The following ZNF749 variants were observed in gnomAD, a reference collection of about 807,000 sequenced individuals.
ZNF749 encodes the protein zinc finger protein 749.
ZNF749 carries 8 observed loss-of-function variants against 7.3 expected under a neutral mutation model. The ratio of observed to expected loss-of-function variants is 1.10; its 90% CI spans 0.64 to 1.98. The LOEUF (loss-of-function observed/expected upper bound fraction) is 1.98. ZNF749 is among the 30% of genes most tolerant of loss of function. The pLI is 0.00. For synonymous variants in ZNF749, 310 were observed against 322.4 expected, an observed-to-expected ratio of 0.96 and a Z score of 0.41; for missense variants, 898 against 932.4, an observed-to-expected ratio of 0.96 and a Z score of 0.48.
At chr19:57,434,554 A>C (rs1039788092), upstream of ZNF749, among the ~76,000 whole-genome samples, 1 of 151,448 alleles carries the variant, frequency 6.6e-6, no homozygotes, top group African/African-American at 2.4e-5. Context: ...TCCAATGTAC[A>C]TTTTACATGT....
At chr19:57,440,930 C>T (rs1328042007) in intron 1 of ZNF749, among the ~76,000 whole-genome samples, 3 of 151,602 alleles carry the variant, frequency 2.0e-5, no homozygotes, top group Admixed American at 6.6e-5. Context: ...GTTCGAGACC[C>T]GCCTGCCCAA....
chr19:57,441,876 T>C lies in ZNF749; in HGVS notation c.16-9T>C. 1 of 1,614,036 alleles carries C rather than the reference T, an allele frequency of 6.2e-7. No individual in the cohort carries two copies. The highest frequency in any genetic ancestry group is 8.5e-7 in the Non-Finnish European group (1 of 1,179,940). On this transcript the variant is annotated splice_polypyrimidine_tract_variant and intron_variant, in intron 1 of 2. Transcript: ENST00000334181. ...TTGTTCATAGACTGAAGTGTCATAA[T>C]TTTGGCAGGATTGTATGGTCTTTGA...
At position 57,443,973 on chromosome 19, in the gene ZNF749, T is replaced by C. The variant is rs1390143256; in HGVS notation, c.825T>C (p.Ser275=). Residue 275 remains serine (S), a synonymous_variant, in exon 3 of 3, where the codon AGT becomes AGC. Coordinates refer to ENST00000334181, the MANE Select transcript of ZNF749 (RefSeq NM_001023561.4). ...SNLVQHQKIH[S]EGFLSKRSDP... is the part of the protein sequence containing the mutation. ...TAGTTCAGCACCAGAAAATTCACAG[T>C]GAAGGCTTTCTTTCAAAAAGGTCTG... 2 of 1,613,734 alleles carry C rather than the reference T, an allele frequency of 1.2e-6. No individual in the cohort carries two copies. Among genetic ancestry groups the C allele is most frequent in the African/African-American group, 1.3e-5 (1 of 74,870 alleles).
At position 57,442,014 on chromosome 19, in the gene ZNF749, A is replaced by T. The variant is rs1461308116; in HGVS notation, c.142+3A>T. On this transcript the variant is annotated splice_donor_region_variant and intron_variant, in intron 2 of 2. Transcript: ENST00000334181. This position sits in a 1 kb window ranked among gnomAD's most constrained non-coding sequence, Gnocchi z 6.6. ...CTTTGCGCTTTTGTCATCAGTAGGT[A>T]AGGCCTTCATACCTACTCTGGTGTC... 6.2e-7 allele frequency: 1 copy of T among 1,613,786 alleles called. No homozygotes were observed. The highest frequency in any genetic ancestry group is 8.5e-7 in the Non-Finnish European group (1 of 1,179,886).
rs1040977850 is a variant in ZNF749, at chr19:57,439,198, C to T, written c.16-2687C>T. Among the ~76,000 whole-genome samples the T allele has an allele frequency of 6.6e-6, 1 of 151,956 alleles. No individual in the cohort carries two copies. The highest frequency in any genetic ancestry group is 2.4e-5 in the African/African-American group (1 of 41,348). ...ACCTGGGTGATGGGTCCAGCAACAG[C>T]CCAGGTGGAGGTTGTTGGTGACTGA... On this transcript the variant is annotated intron_variant, in intron 1 of 2. Coordinates refer to ENST00000334181, the MANE Select transcript of ZNF749 (RefSeq NM_001023561.4). This position sits in a 1 kb window ranked among gnomAD's most constrained non-coding sequence, Gnocchi z 4.3.
At position 57,445,612 on chromosome 19, in the gene ZNF749, G is replaced by C; in HGVS notation, c.*127G>C. The C allele has an allele frequency of 6.9e-7, 1 of 1,444,360 alleles. No homozygotes were observed. The highest frequency in any genetic ancestry group is 2.4e-5 in the East Asian group (1 of 42,414). The allele number at this position is 1,444,360 out of a possible 1,614,324, so 89.5% of individuals were successfully genotyped here. A position where few individuals can be genotyped will look rare whatever the true frequency, so the allele number is the denominator to read the frequency against. The stretch of plus-strand genomic sequence containing the variant: ...AAGAGTTCAGATGGAAATCTGCGAG[G>C]ATTTCCTGCTGGGAACTACATTAAA... On this transcript the variant is annotated 3_prime_UTR_variant, in exon 3 of 3. Coordinates refer to ENST00000334181, the MANE Select transcript of ZNF749 (RefSeq NM_001023561.4).
intron 2 of ZNF749, 132 bp from the exon 3 acceptor site, chr19:57,443,159 A>C: frequency 6.8e-6 from 5 of 740,632 alleles, no homozygotes; most frequent in Admixed American, 2.9e-5. Context: ...CCTTCCTCTC[A>C]CTGGCCTTAT....
chr19:57,443,422 A>G lies in ZNF749; in HGVS notation c.274A>G (p.Ile92Val), dbSNP rs745942628. Reference protein sequence around the residue: ...KAQPCKMCSSILKDILHLAEH... With the variant: ...KAQPCKMCSSVLKDILHLAEH... ...CCAGCCCTGCAAGATGTGTAGCTCA[A>G]TTCTGAAGGACATTCTGCACCTGGC... Residue 92 changes from isoleucine (I) to valine (V), a missense_variant, in exon 3 of 3, where the codon ATT becomes GTT. By Grantham distance (29) the Ile-to-Val change is conservative. Coordinates refer to ENST00000334181, the MANE Select transcript of ZNF749 (RefSeq NM_001023561.4). 53 of 1,614,122 alleles carry G rather than the reference A, an allele frequency of 3.3e-5. No individual in the cohort carries two copies. The South Asian group carries it at 5.3e-4, about 16-fold the overall frequency.
At chr19:57,438,347 C>A (rs1210104888) in intron 1 of ZNF749, 3 of 321,714 alleles carry the variant, frequency 9.3e-6, no homozygotes, top group Non-Finnish European at 5.6e-6. Flanking sequence ...TTACCTCCTC[C>A]TCCCTTTCAT....
Position 57,445,454 on chromosome 19 carries a change from A to G in ZNF749, c.2306A>G (p.His769Arg), listed in dbSNP as rs141814159. 1.1e-5 allele frequency: 17 copies of G among 1,611,918 alleles called. No homozygotes were observed. Among genetic ancestry groups the G allele is most frequent in the Admixed American group, 3.3e-5 (2 of 59,716 alleles). ...AAATACAACTCCAGCCTCATTAAAC[A>G]TCAGATAATTCATACTGGAAAAAGG... The part of the protein sequence containing the change: ...VFKYNSSLIK[H>R]QIIHTGKRP Residue 769 changes from histidine (H) to arginine (R), a missense_variant, in exon 3 of 3, where the codon CAT becomes CGT. Coordinates refer to ENST00000334181, the MANE Select transcript of ZNF749 (RefSeq NM_001023561.4).
chr19:57,444,670 G>C lies in ZNF749; in HGVS notation c.1522G>C (p.Glu508Gln). 2 of 1,613,622 alleles carry C rather than the reference G, an allele frequency of 1.2e-6. No homozygotes were observed. The highest frequency in any genetic ancestry group is 1.7e-6 in the Non-Finnish European group (2 of 1,179,936). ...TGGTCACCAGAAAATCCATACTGGA[G>C]AACGGCCTTATGAATGCACTCAATG... Reference protein sequence around the residue: ...LVGHQKIHTGERPYECTQCAK... With the variant: ...LVGHQKIHTGQRPYECTQCAK... Residue 508 changes from glutamate (E) to glutamine (Q), a missense_variant, in exon 3 of 3, where the codon GAA becomes CAA. Glu to Gln is a conservative substitution (Grantham distance 29). Coordinates refer to ENST00000334181, the MANE Select transcript of ZNF749 (RefSeq NM_001023561.4).
At position 57,436,134 on chromosome 19, in the gene ZNF749, G is replaced by A. The variant is rs545143431; in HGVS notation, c.15+541G>A. Among the ~76,000 whole-genome samples the A allele has an allele frequency of 2.0e-5, 3 of 152,320 alleles. No individual in the cohort carries two copies. Among genetic ancestry groups the A allele is most frequent in the Admixed American group, 6.5e-5 (1 of 15,300 alleles). ...CAAACATAGCTGTGAGGGAAAGTCG[G>A]TAGTGAATGGTGTCTTCCATAGGTT... On this transcript the variant is annotated intron_variant, in intron 1 of 2. Coordinates refer to ENST00000334181, the MANE Select transcript of ZNF749 (RefSeq NM_001023561.4). This position sits in a 1 kb window ranked among gnomAD's most constrained non-coding sequence, Gnocchi z 4.0.
rs761151186 is a variant in ZNF749, at chr19:57,444,824, G to A, written c.1676G>A (p.Ser559Asn). 1 of 1,614,086 alleles carries A rather than the reference G, an allele frequency of 6.2e-7. No individual in the cohort carries two copies. The highest frequency in any genetic ancestry group is 8.5e-7 in the Non-Finnish European group (1 of 1,179,966). Reference protein sequence around the residue: ...IDLRPRPYVCSECGKAFLTQA... With the variant: ...IDLRPRPYVCNECGKAFLTQA... Reference sequence around the variant, plus strand: ...CTCAGGCCAAGGCCTTATGTGTGTAGTGAATGTGGGAAGGCCTTCCTTACA... The same window carrying A: ...CTCAGGCCAAGGCCTTATGTGTGTAATGAATGTGGGAAGGCCTTCCTTACA... The change falls in exon 3 of 3, where the codon AGT becomes AAT. Residue 559 changes from serine (S) to asparagine (N), a missense_variant. Physicochemically the swap from Ser to Asn is conservative, Grantham distance 46. Coordinates refer to ENST00000334181, the MANE Select transcript of ZNF749 (RefSeq NM_001023561.4).
the ZNF749 span, among the ~76,000 whole-genome samples, chr19:57,429,297 A>G: frequency 6.6e-6 from 1 of 152,178 alleles, no homozygotes; most frequent in East Asian, 1.9e-4. This position sits in a 1 kb window ranked among gnomAD's most constrained non-coding sequence, Gnocchi z 4.2. Flanking sequence ...AAGTACTGGG[A>G]TTACAGGCGT....
In ZNF749 at chr19:57,442,155, C is replaced by G; in HGVS notation, c.142+144C>G. The G allele has an allele frequency of 9.0e-7, 1 of 1,105,872 alleles. No individual in the cohort carries two copies. Among genetic ancestry groups the G allele is most frequent in the South Asian group, 1.6e-5 (1 of 63,118 alleles). The allele number at this position is 1,105,872 out of a possible 1,614,324, so 68.5% of individuals were successfully genotyped here. ...TTTCCTGGCAAATGTGATAAGGCAGCCAGAGCTGGGCTGTGTATACTGTAC... is the reference window on the plus strand; with the variant it reads ...TTTCCTGGCAAATGTGATAAGGCAGGCAGAGCTGGGCTGTGTATACTGTAC... On this transcript the variant is annotated intron_variant, in intron 2 of 2. Transcript: ENST00000334181. The surrounding 1 kb of genome is among the most constrained non-coding windows in gnomAD (Gnocchi z 6.6).
chr19:57,444,420 TG>T lies in ZNF749; in HGVS notation c.1273del (p.Val425LeufsTer5). The T allele has an allele frequency of 6.2e-7, 1 of 1,614,018 alleles. No homozygotes were observed. Among genetic ancestry groups the T allele is most frequent in the Non-Finnish European group, 8.5e-7 (1 of 1,179,918 alleles). Reference protein sequence around the residue: ...CGKAFSLKHNVVQHLKIHTGE... With the variant: ...CGKAFSLKHNXVQHLKIHTGE... The stretch of plus-strand genomic sequence containing the variant: ...GGAAAGCCTTTAGCCTCAAACATAA[TG>T]TTGTTCAGCATCTGAAAATTCATAC... On this transcript the variant is annotated frameshift_variant, in exon 3 of 3. Coordinates refer to ENST00000334181, the MANE Select transcript of ZNF749 (RefSeq NM_001023561.4). LOFTEE classifies it low-confidence loss of function (END_TRUNC).
At position 57,439,172 on chromosome 19, in the gene ZNF749, T is replaced by C. The variant is rs1053544088; in HGVS notation, c.16-2713T>C. ...GTGCAGGTGAGGGTGGAGCCACCGA[T>C]ACCTGGGTGATGGGTCCAGCAACAG... is the stretch of plus-strand genomic sequence containing the variant. On this transcript the variant is annotated intron_variant, in intron 1 of 2. Transcript: ENST00000334181. This position sits in a 1 kb window ranked among gnomAD's most constrained non-coding sequence, Gnocchi z 4.3. Among the ~76,000 whole-genome samples the C allele has an allele frequency of 6.6e-6, 1 of 152,150 alleles. No homozygotes were observed. The highest frequency in any genetic ancestry group is 2.4e-5 in the African/African-American group (1 of 41,438).
At chr19:57,437,665 A>G (rs1600101914) in intron 1 of ZNF749, among the ~76,000 whole-genome samples, 2 of 150,722 alleles carry the variant, frequency 1.3e-5, no homozygotes, top group African/African-American at 4.9e-5. Flanking sequence ...TGGAGGTTCC[A>G]GTGAGCTGAG....
At chr19:57,434,700 CTT>C (rs1369143305), upstream of ZNF749, among the ~76,000 whole-genome samples, 3 of 152,202 alleles carry the variant, frequency 2.0e-5, no homozygotes, top group African/African-American at 7.2e-5. Flanking sequence ...GAATAAATCT[CTT>C]CAACTATTTC....
Sources: allele counts gnomAD v4.1 joint callset (sites outside exome capture counted in the v4.1 genomes callset), GRCh38; gene constraint gnomAD v4.1.1; non-coding constraint Gnocchi (gnomAD v3.1); transcripts MANE v1.5; gene names NCBI Gene and HGNC (gene_info 2026-07-23, HGNC 2026-07-21).